CACNA1B: variants seen among roughly 807,000 people sequenced by gnomAD.
CACNA1B encodes calcium voltage-gated channel subunit alpha1 B, also known as voltage-dependent N-type calcium channel subunit alpha-1B.
Under a neutral mutation model 247.2 loss-of-function variants are expected in CACNA1B, and 70 were observed. The ratio of observed to expected loss-of-function variants is 0.28; its 90% CI spans 0.23 to 0.35. CACNA1B has a LOEUF of 0.35. CACNA1B is among the 10% of genes least tolerant of loss of function. The pLI, the probability that CACNA1B is intolerant of heterozygous loss-of-function variation, is 1.00. For missense variants in CACNA1B, 2,367 were observed against 3,197.4 expected, an observed-to-expected ratio of 0.74 and a Z score of 6.26; for synonymous variants, 1,231 against 1,294.4, an observed-to-expected ratio of 0.95 and a Z score of 1.05.
chr9:138,032,459 T>A (rs1431372921), intron 20 of CACNA1B, among the ~76,000 whole-genome samples: 1 of 152,182 alleles, frequency 6.6e-6, no homozygotes, highest in Non-Finnish European at 1.5e-5. Context: ...CCTGTATTTT[T>A]ACTCCTGTTA....
Position 137,878,960 on chromosome 9 carries a change from C to A in CACNA1B, c.285-94C>A, listed in dbSNP as rs1049186982. 6.8e-5 allele frequency: 50 copies of A among 735,512 alleles called. No homozygotes were observed. In the African/African-American group the frequency reaches 8.2e-4, roughly 12 times the overall value. The allele number at this position is 735,512 out of a possible 1,614,324, so 45.6% of individuals were successfully genotyped here. A position where few individuals can be genotyped will look rare whatever the true frequency, so the allele number is the denominator to read the frequency against. On this transcript the variant is annotated intron_variant, in intron 1 of 46. Transcript: ENST00000371372. ...CCAGTTGTCTCAGCCCCTCCGGAGA[C>A]GGCCTAGCGGTGGCTGCTGCACTGG... is the stretch of plus-strand genomic sequence containing the variant.
At chr9:138,002,520 G>A (rs1489252272) in intron 15 of CACNA1B, among the ~76,000 whole-genome samples, 3 of 149,136 alleles carry the variant, frequency 2.0e-5, no homozygotes, top group Non-Finnish European at 4.4e-5. Flanking sequence ...GGTCAGCCTG[G>A]GCAACATAAT....
At position 137,899,104 on chromosome 9, in the gene CACNA1B, G is replaced by A. The variant is rs1370027321; in HGVS notation, c.531-14076G>A. Among the ~76,000 whole-genome samples the A allele has an allele frequency of 2.7e-5, 4 of 146,036 alleles. No individual in the cohort carries two copies. Among genetic ancestry groups the A allele is most frequent in the East Asian group, 4.1e-4 (2 of 4,908 alleles). On this transcript the variant is annotated intron_variant, in intron 3 of 46. Coordinates refer to ENST00000371372, the MANE Select transcript of CACNA1B (RefSeq NM_000718.4). The surrounding 1 kb of genome is among the most constrained non-coding windows in gnomAD (Gnocchi z 5.0). The stretch of plus-strand genomic sequence containing the variant: ...TTCTCTCTTTCTTTCTTTTTTTTTT[G>A]TCAGTTGGAGTCTCTCTCTGTTGCC...
In CACNA1B at chr9:138,058,589, C is replaced by A; in HGVS notation, c.4329C>A (p.Ala1443=). The change falls in exon 29 of 47, where the codon GCC becomes GCA. Residue 1443 remains alanine, a synonymous_variant. Transcript: ENST00000371372. This position sits in a 1 kb window ranked among gnomAD's most constrained non-coding sequence, Gnocchi z 4.7. The part of the protein sequence containing the change: ...EKNERACIDF[A]ISAKPLTRYM... Reference sequence around the variant, plus strand: ...TACAGAGGGCTTGCATTGACTTCGCCATCAGCGCCAAACCCCTGACACGGT... The same window carrying A: ...TACAGAGGGCTTGCATTGACTTCGCAATCAGCGCCAAACCCCTGACACGGT... The A allele has an allele frequency of 1.2e-6, 2 of 1,611,484 alleles. No homozygotes were observed. Among genetic ancestry groups the A allele is most frequent in the Non-Finnish European group, 1.7e-6 (2 of 1,179,316 alleles).
At chr9:137,947,428 T>A (rs1377666581) in intron 6 of CACNA1B, among the ~76,000 whole-genome samples, 4 of 152,128 alleles carry the variant, frequency 2.6e-5, no homozygotes, top group African/African-American at 7.2e-5. Flanking sequence ...CCAGACCCTA[T>A]TCTTCTGCCT....
In CACNA1B at chr9:138,051,031, G is replaced by A. The variant is rs1236999843; in HGVS notation, c.3711-1061G>A. Among the ~76,000 whole-genome samples the A allele has an allele frequency of 2.6e-5, 4 of 152,128 alleles. No individual in the cohort carries two copies. The highest frequency in any genetic ancestry group is 4.4e-5 in the Non-Finnish European group (3 of 68,026). On this transcript the variant is annotated intron_variant, in intron 24 of 46. Transcript: ENST00000371372. The surrounding 1 kb of genome is among the most constrained non-coding windows in gnomAD (Gnocchi z 4.3). ...GCAGGCCTTCCCCAGGGAGCGTGGT[G>A]GGACGTGGCCTCTGAGCAGGGTGGG...
Position 137,986,589 on chromosome 9 carries a change from G to A in CACNA1B, c.1901+45G>A, listed in dbSNP as rs753423639. Reference sequence around the variant, plus strand: ...AGAGCTCAAGGCTGGGGGCTTGCAGGGAAGCAGAGCTCAGAGCAGACGGTG... The same window carrying A: ...AGAGCTCAAGGCTGGGGGCTTGCAGAGAAGCAGAGCTCAGAGCAGACGGTG... On this transcript the variant is annotated intron_variant, in intron 14 of 46. Transcript: ENST00000371372. The surrounding 1 kb of genome is among the most constrained non-coding windows in gnomAD (Gnocchi z 6.0). 8.1e-6 allele frequency: 13 copies of A among 1,610,124 alleles called. No homozygotes were observed. In the East Asian group the frequency reaches 1.8e-4, roughly 22 times the overall value.
chr9:138,105,229 T>C (rs1961380425), intron 38 of CACNA1B, among the ~76,000 whole-genome samples: 1 of 152,196 alleles, frequency 6.6e-6, no homozygotes, highest in Non-Finnish European at 1.5e-5. Context: ...CACTGGGAGC[T>C]GGGCCCCAGA....
At chr9:138,033,535 A>G (rs1420887191) in intron 20 of CACNA1B, among the ~76,000 whole-genome samples, 3 of 152,188 alleles carry the variant, frequency 2.0e-5, no homozygotes, top group African/African-American at 4.8e-5. Flanking sequence ...TAGCTTGTCT[A>G]CTGTGATGCC....
chr9:137,993,538 A>G (rs1371654134), intron 15 of CACNA1B, among the ~76,000 whole-genome samples: 8 of 152,156 alleles, frequency 5.3e-5, no homozygotes. Flanking sequence ...CAGAAATACA[A>G]AAGATTATTC....
intron 10 of CACNA1B, among the ~76,000 whole-genome samples, chr9:137,959,722 G>A (rs915054524): frequency 3.9e-5 from 6 of 152,164 alleles, no homozygotes; most frequent in Non-Finnish European, 5.9e-5. Flanking sequence ...CCTGTGTCGA[G>A]TGCTTGTGCC....
rs769521747 is a variant in CACNA1B at position 138,121,464 on chromosome 9, T to C, written c.6490-5T>C. On this transcript the variant is annotated splice_polypyrimidine_tract_variant and splice_region_variant and intron_variant, in intron 46 of 46. Coordinates refer to ENST00000371372, the MANE Select transcript of CACNA1B (RefSeq NM_000718.4). The surrounding 1 kb of genome is among the most constrained non-coding windows in gnomAD (Gnocchi z 6.8). ...TCTGATTTGTTCTGGTCCATTTTCA[T>C]GTAGGGCAGTGGTTCCGTGAATGGG... is the stretch of plus-strand genomic sequence containing the variant. The C allele has an allele frequency of 6.8e-7, 1 of 1,469,542 alleles. No homozygotes were observed. Among genetic ancestry groups the C allele is most frequent in the African/African-American group, 1.4e-5 (1 of 70,724 alleles). The allele number at this position is 1,469,542 out of a possible 1,614,324, so 91.0% of individuals were successfully genotyped here.
At position 138,068,950 on chromosome 9, in the gene CACNA1B, C is replaced by T. The variant is rs573519731; in HGVS notation, c.4669-808C>T. 5.3e-5 allele frequency among the ~76,000 whole-genome samples: 8 copies of T among 152,294 alleles called. No homozygotes were observed. The South Asian group carries it at 1.5e-3, about 28-fold the overall frequency. Reference sequence around the variant, plus strand: ...CCCTCAGCTGCGAGACAGTCGAGGCCGGGCTGTTTGTGGTCGTGTCAGACC... The same window carrying T: ...CCCTCAGCTGCGAGACAGTCGAGGCTGGGCTGTTTGTGGTCGTGTCAGACC... On this transcript the variant is annotated intron_variant, in intron 31 of 46. Coordinates refer to ENST00000371372, the MANE Select transcript of CACNA1B (RefSeq NM_000718.4).
At position 138,106,854 on chromosome 9, in the gene CACNA1B, C is replaced by T. The variant is rs1324214329; in HGVS notation, c.5428+1047C>T. The stretch of plus-strand genomic sequence containing the variant: ...CTCTTGAGAGGTTGTCTCTGATTTC[C>T]CTTTCCCACATGCTGGGGGCTCTTC... On this transcript the variant is annotated intron_variant, in intron 39 of 46. Coordinates refer to ENST00000371372, the MANE Select transcript of CACNA1B (RefSeq NM_000718.4). 2.0e-5 allele frequency among the ~76,000 whole-genome samples: 3 copies of T among 152,190 alleles called. No homozygotes were observed. In the East Asian group the frequency reaches 5.8e-4, roughly 29 times the overall value.
At chr9:137,928,680 G>T (rs1402421042) in intron 6 of CACNA1B, among the ~76,000 whole-genome samples, 1 of 152,070 alleles carries the variant, frequency 6.6e-6, no homozygotes, top group Non-Finnish European at 1.5e-5. Context: ...TTACAGTTCA[G>T]AGTTTTTTGT....
chr9:138,013,003 CTGGATAGAGA>C, intron 17 of CACNA1B, 116 bp from the exon 18 acceptor site: 1 of 667,806 alleles, frequency 1.5e-6, no homozygotes, highest in South Asian at 1.9e-5. Flanking sequence ...CCTGTCTCCA[CTGGATAGAGA>C]GCAGCACTGT....
chr9:138,070,263 C>T (rs112649509), intron 32 of CACNA1B, among the ~76,000 whole-genome samples: 4 of 152,156 alleles, frequency 2.6e-5, no homozygotes, highest in African/African-American at 7.2e-5. Flanking sequence ...CTGGACTGAC[C>T]GTGCCTTGGA....
chr9:137,931,343 G>C (rs566883733), intron 6 of CACNA1B, among the ~76,000 whole-genome samples: 27 of 152,248 alleles, frequency 1.8e-4, no homozygotes, highest in African/African-American at 6.5e-4. Flanking sequence ...TGAAGACCAG[G>C]CCCTCTACCA....
rs1959162965 is a variant in CACNA1B at position 138,043,847 on chromosome 9, C to T, written c.3360C>T (p.Gly1120=). The T allele has an allele frequency of 2.5e-6, 4 of 1,613,814 alleles. No homozygotes were observed. The highest frequency in any genetic ancestry group is 2.5e-6 in the Non-Finnish European group (3 of 1,179,718). The change falls in exon 21 of 47, where the codon GGC becomes GGT. Residue 1120 remains glycine (G), a synonymous_variant. Transcript: ENST00000371372. ...AAGCGGATGACGTGATGAGGAGCGG[C>T]CCCCGGCCTATCGTCCCATACAGCT... is the stretch of plus-strand genomic sequence containing the variant. The part of the protein sequence containing the change: ...EVEADDVMRS[G]PRPIVPYSSM...
Sources: gnomAD v4.1 joint callset for allele counts (sites outside exome capture counted in the v4.1 genomes callset) on GRCh38, gnomAD v4.1.1 for gene constraint, Gnocchi (gnomAD v3.1) non-coding constraint, MANE v1.5 for transcripts, NCBI Gene and HGNC (gene_info 2026-07-23, HGNC 2026-07-21) for gene names.